GNAT3: variants seen among roughly 807,000 people sequenced by gnomAD.
The protein encoded by GNAT3 is G protein subunit alpha transducin 3.
Under a neutral mutation model 37.7 loss-of-function variants are expected in GNAT3, and 31 were observed. The ratio of observed to expected loss-of-function variants is 0.82; its 90% CI spans 0.62 to 1.11. The LOEUF is 1.11. Among genes scored for constraint, GNAT3 ranks in the 50% most tolerant of loss-of-function variants. GNAT3 has a pLI of 0.00. For missense variants in GNAT3, 437 were observed against 412.5 expected, an observed-to-expected ratio of 1.06 and a Z score of -0.51; for synonymous variants, 138 against 139.8, an observed-to-expected ratio of 0.99 and a Z score of 0.09.
chr7:80,498,689 G>A (rs995433043), intron 1 of GNAT3, among the ~76,000 whole-genome samples: 10 of 152,030 alleles, frequency 6.6e-5, no homozygotes, highest in Non-Finnish European at 1.5e-4. Context: ...GTTCACATCC[G>A]CTGATGGTGT....
intron 7 of GNAT3, among the ~76,000 whole-genome samples, chr7:80,461,210 C>A (rs964098313): frequency 1.3e-5 from 2 of 152,046 alleles, no homozygotes; most frequent in Non-Finnish European, 2.9e-5. Context: ...ATCTGGGCAA[C>A]CTTACGCACC....
Position 80,474,386 on chromosome 7 carries a change from A to G in GNAT3, c.462-7T>C. ...ATCTAAATCATTAAGGTAGCTAATA[A>G]AGACAAAACAAAATTATATATGTGT... On this transcript the variant is annotated splice_polypyrimidine_tract_variant and splice_region_variant and intron_variant, in intron 4 of 7. Coordinates refer to ENST00000398291, the MANE Select transcript of GNAT3 (RefSeq NM_001102386.3). 6.9e-7 allele frequency: 1 copy of G among 1,456,366 alleles called. No homozygotes were observed. Among genetic ancestry groups the G allele is most frequent in the Non-Finnish European group, 9.4e-7 (1 of 1,066,634 alleles). The allele number at this position is 1,456,366 out of a possible 1,614,324, so 90.2% of individuals were successfully genotyped here. A position where few individuals can be genotyped will look rare whatever the true frequency, so the allele number is the denominator to read the frequency against.
chr7:80,509,070 G>C (rs1036160823), intron 1 of GNAT3, among the ~76,000 whole-genome samples: 1 of 152,024 alleles, frequency 6.6e-6, no homozygotes, highest in Non-Finnish European at 1.5e-5. Flanking sequence ...TCGTTTCAAT[G>C]ATGGGAAAAA....
At chr7:80,499,626 A>C (rs997707723) in intron 1 of GNAT3, among the ~76,000 whole-genome samples, 1 of 152,232 alleles carries the variant, frequency 6.6e-6, no homozygotes, top group African/African-American at 2.4e-5. Flanking sequence ...TTGGTATAAA[A>C]GATTTTTAGG....
chr7:80,495,044 T>A (rs942695805), intron 1 of GNAT3, among the ~76,000 whole-genome samples: 39 of 152,150 alleles, frequency 2.6e-4, no homozygotes, highest in African/African-American at 9.2e-4. Flanking sequence ...TTCCATCCAT[T>A]TGCTGGCAAA....
At chr7:80,474,226 A>G (rs1182088614) in intron 5 of GNAT3, 25 bp downstream of exon 5, 8 of 1,597,698 alleles carry the variant, frequency 5.0e-6, no homozygotes, top group Admixed American at 1.7e-5. Context: ...TTCTGTCTAC[A>G]GTTAGAAAAG....
At chr7:80,458,989 C>T (rs1037329645) in intron 7 of GNAT3, 128 bp from the exon 8 acceptor site, 12 of 636,558 alleles carry the variant, frequency 1.9e-5, no homozygotes, top group African/African-American at 1.7e-4. Flanking sequence ...ATAAAGGCAA[C>T]GGTCAATTAT....
intron 4 of GNAT3, among the ~76,000 whole-genome samples, chr7:80,476,607 A>C (rs922308555): frequency 2.6e-5 from 4 of 151,612 alleles, no homozygotes; most frequent in African/African-American, 9.7e-5. Context: ...CTTAACTTGA[A>C]GGATCTCTAG....
intron 5 of GNAT3, among the ~76,000 whole-genome samples, chr7:80,473,042 G>A (rs1790245574): frequency 6.6e-6 from 1 of 152,114 alleles, no homozygotes; most frequent in Non-Finnish European, 1.5e-5. Context: ...TGGACTCAGG[G>A]CCTCAAAGGA....
chr7:80,485,332 A>C (rs978930152), intron 3 of GNAT3, among the ~76,000 whole-genome samples: 1 of 152,084 alleles, frequency 6.6e-6, no homozygotes, highest in African/African-American at 2.4e-5. Flanking sequence ...ATCTCTAGAC[A>C]AAGTGTCCAT....
chr7:80,492,802 A>G (rs1464393503), intron 2 of GNAT3, among the ~76,000 whole-genome samples: 2 of 151,552 alleles, frequency 1.3e-5, no homozygotes, highest in African/African-American at 4.8e-5. Flanking sequence ...AAAAATATCC[A>G]TTTCTCAAAA....
chr7:80,466,838 G>A (rs994623527), intron 5 of GNAT3, among the ~76,000 whole-genome samples: 1 of 152,082 alleles, frequency 6.6e-6, no homozygotes, highest in East Asian at 1.9e-4. Context: ...TGTGTTAACA[G>A]GTGTAAGAGG....
At chr7:80,461,517 C>T (rs1444313817) in intron 7 of GNAT3, among the ~76,000 whole-genome samples, 5 of 151,816 alleles carry the variant, frequency 3.3e-5, no homozygotes, top group African/African-American at 9.7e-5. Flanking sequence ...GAGACTCCAT[C>T]TCAAAAAAGA....
intron 5 of GNAT3, among the ~76,000 whole-genome samples, chr7:80,471,000 G>A (rs955296891): frequency 3.3e-5 from 5 of 150,396 alleles, no homozygotes; most frequent in African/African-American, 1.2e-4. Flanking sequence ...TAATCTGGGT[G>A]GGCACAAGCT....
intron 1 of GNAT3, among the ~76,000 whole-genome samples, chr7:80,499,607 G>A (rs938665482): frequency 1.3e-5 from 2 of 152,176 alleles, no homozygotes; most frequent in Admixed American, 1.3e-4. Context: ...ATCATTCACA[G>A]GTAGACTGTT....
chr7:80,497,603 TATACGTATATAC>T (rs1790750206), intron 1 of GNAT3, among the ~76,000 whole-genome samples: 2 of 118,590 alleles, frequency 1.7e-5, no homozygotes, highest in African/African-American at 9.1e-5. Flanking sequence ...CGTATATACA[TATACGTATATAC>T]ATATACGTAT....
At chr7:80,467,945 G>GT (rs538341075) in intron 5 of GNAT3, among the ~76,000 whole-genome samples, 66 of 147,354 alleles carry the variant, frequency 4.5e-4, no homozygotes, top group Middle Eastern at 3.5e-3. Flanking sequence ...ATTTATTTAA[G>GT]TTTTTTTTTT....
At chr7:80,474,400 T>G in intron 4 of GNAT3, 21 bp from the exon 5 acceptor site, 1 of 1,266,722 alleles carries the variant, frequency 7.9e-7, no homozygotes, top group Non-Finnish European at 1.1e-6. Context: ...CAAAACAAAA[T>G]TATATATGTG....
At position 80,488,590 on chromosome 7, in the gene GNAT3, G is replaced by T; in HGVS notation, c.248C>A (p.Ala83Asp). 6.3e-7 allele frequency: 1 copy of T among 1,598,566 alleles called. No homozygotes were observed. Among genetic ancestry groups the T allele is most frequent in the South Asian group, 1.1e-5 (1 of 88,660 alleles). The change falls in exon 3 of 8, where the codon GCT becomes GAT. Residue 83 changes from alanine to aspartate, a missense_variant. Coordinates refer to ENST00000398291, the MANE Select transcript of GNAT3 (RefSeq NM_001102386.3). ...AAGGGTAGTCATGGCTTTCACAATA[G>T]CTAGGATGGATTGCAATGTATTACT... is the stretch of plus-strand genomic sequence containing the variant. ...IYSNTLQSIL[A>D]IVKAMTTLGI...
Sources: gnomAD v4.1 joint callset for allele counts (sites outside exome capture counted in the v4.1 genomes callset) on GRCh38, gnomAD v4.1.1 for gene constraint, MANE v1.5 for transcripts, NCBI Gene and HGNC (gene_info 2026-07-23, HGNC 2026-07-21) for gene names.